MYLK: variants seen among roughly 807,000 people sequenced by gnomAD.
MYLK encodes myosin light chain kinase, smooth muscle.
MYLK carries 106 observed loss-of-function variants against 203.4 expected under a neutral mutation model. That is an observed-to-expected ratio of 0.52 (90% CI 0.45 to 0.61). The LOEUF (loss-of-function observed/expected upper bound fraction) is 0.61, where lower values mean the gene tolerates loss of function less well. Among genes scored for constraint, MYLK ranks in the 20% least tolerant of loss-of-function variants. MYLK has a pLI of 0.00. For synonymous variants in MYLK, 867 were observed against 959.5 expected (o/e 0.90, Z 1.78); for missense variants, 2,072 against 2,442.3 (o/e 0.85, Z 3.20).
At chr3:123,811,743 G>A (rs982751234) in intron 3 of MYLK, among the ~76,000 whole-genome samples, 3 of 152,132 alleles carry the variant, frequency 2.0e-5, no homozygotes, top group Non-Finnish European at 2.9e-5. Context: ...GCTTTGAAAC[G>A]GCAATTCTAG....
At chr3:123,763,587 G>A (rs893463936) in intron 4 of MYLK, among the ~76,000 whole-genome samples, 1 of 152,050 alleles carries the variant, frequency 6.6e-6, no homozygotes, top group African/African-American at 2.4e-5. Context: ...TCAGAACTCT[G>A]AAGATACTGC....
intron 3 of MYLK, among the ~76,000 whole-genome samples, chr3:123,812,164 T>C (rs2065583764): frequency 6.6e-6 from 1 of 152,140 alleles, no homozygotes; most frequent in East Asian, 1.9e-4. Context: ...CTGTTCCCCC[T>C]CATACCTATT....
intron 4 of MYLK, among the ~76,000 whole-genome samples, chr3:123,791,600 C>A (rs2064786308): frequency 6.6e-6 from 1 of 152,200 alleles, no homozygotes; most frequent in Admixed American, 6.5e-5. Flanking sequence ...AGTGTGCTGC[C>A]AAGGCATTGT....
chr3:123,760,670 T>C (rs2063506859), intron 4 of MYLK, among the ~76,000 whole-genome samples: 1 of 152,160 alleles, frequency 6.6e-6, no homozygotes, highest in Admixed American at 6.5e-5. Flanking sequence ...TATCAGAACA[T>C]ATAAACTTAT....
At chr3:123,618,216 C>T (rs76418158) in intron 33 of MYLK, 3,533 of 244,194 alleles carry the variant, frequency 0.014, 115 homozygotes, top group African/African-American at 0.068. Context: ...AGCCTGTGGA[C>T]GAGTAGCAGA....
At chr3:123,735,249 A>G in intron 9 of MYLK, 149 bp downstream of exon 9, 1 of 1,101,720 alleles carries the variant, frequency 9.1e-7, no homozygotes, top group Non-Finnish European at 1.4e-6. Flanking sequence ...TAGGAGAACA[A>G]GACAAAACAC....
intron 5 of MYLK, among the ~76,000 whole-genome samples, chr3:123,747,073 CA>C (rs1437533195): frequency 3.9e-5 from 6 of 152,164 alleles, no homozygotes; most frequent in Non-Finnish European, 8.8e-5. Context: ...GTCATCAATC[CA>C]ACCCAACATG....
At position 123,649,168 on chromosome 3, in the gene MYLK, C is replaced by T. The variant is rs753765468; in HGVS notation, c.4315G>A (p.Asp1439Asn). The change falls in exon 25 of 34, where the codon GAT becomes AAT. Residue 1439 changes from aspartate (D) to asparagine (N), a missense_variant. Asp to Asn is a conservative substitution (Grantham distance 23). Around this residue, in one of 3 missense-constraint regions of MYLK, gnomAD observed 524 missense variants for 782.4 expected, o/e 0.67. Coordinates refer to ENST00000360304, the MANE Select transcript of MYLK (RefSeq NM_053025.4). ...EEPKDEVEVSDDDEKEPEVDY... is the reference protein window; with the variant it reads ...EEPKDEVEVSNDDEKEPEVDY... ...AGACAGGGGCTGCACTCACCATCAT[C>T]TGACACCTCCACTTCATCCTTCGGC... The T allele has an allele frequency of 6.2e-7, 1 of 1,613,278 alleles. No individual in the cohort carries two copies. Among genetic ancestry groups the T allele is most frequent in the South Asian group, 1.1e-5 (1 of 91,046 alleles).
intron 4 of MYLK, among the ~76,000 whole-genome samples, chr3:123,776,038 C>T (rs946916400): frequency 2.6e-5 from 4 of 152,182 alleles, no homozygotes; most frequent in African/African-American, 7.2e-5. Context: ...ACGCCATTAC[C>T]GGTCTCAGCT....
In MYLK at chr3:123,706,184, A is replaced by G. The variant is rs2061454075; in HGVS notation, c.2390+1570T>C. On this transcript the variant is annotated intron_variant, in intron 16 of 33. Transcript: ENST00000360304. ...ATCAGCAGAACTTTATAGGAGACCCAAAGACTCCTAAGAAATAATGAAACT... is the reference window on the plus strand; with the variant it reads ...ATCAGCAGAACTTTATAGGAGACCCGAAGACTCCTAAGAAATAATGAAACT... 2.0e-5 allele frequency among the ~76,000 whole-genome samples: 3 copies of G among 152,250 alleles called. No homozygotes were observed. The South Asian group carries it at 6.2e-4, about 32-fold the overall frequency.
chr3:123,873,050 C>T (rs1332039540), intron 2 of MYLK, among the ~76,000 whole-genome samples: 1 of 152,042 alleles, frequency 6.6e-6, no homozygotes, highest in African/African-American at 2.4e-5. Context: ...CAAAGACATT[C>T]CTCTCACCAC....
chr3:123,778,512 CAAAA>C (rs5852365), intron 4 of MYLK, among the ~76,000 whole-genome samples: 1,114 of 98,122 alleles, frequency 0.011, 21 homozygotes, highest in African/African-American at 0.035. Flanking sequence ...GACTCTGCCT[CAAAA>C]AAAAAAAAAA....
chr3:123,858,288 AAGGAAAAT>A (rs1203165120), intron 2 of MYLK, among the ~76,000 whole-genome samples: 2 of 152,128 alleles, frequency 1.3e-5, no homozygotes, highest in Non-Finnish European at 2.9e-5. Context: ...GTACTAAGGA[AAGGAAAAT>A]AGGACTAGGT....
intron 13 of MYLK, among the ~76,000 whole-genome samples, chr3:123,715,019 G>A (rs843943): frequency 0.98 from 149,546 of 152,264 alleles, 73,485 homozygotes; most frequent in Middle Eastern, 1. Flanking sequence ...GGCAATGTGA[G>A]GAAGAGAGAG....
rs773996829 is a variant in MYLK, at chr3:123,648,971, G to A, written c.4415C>T (p.Ser1472Phe). ...AGAGGCAACTTCCCACTCCACTTAC[G>A]ATCCTAATCTCTCCTCAATGTCGTA... is the stretch of plus-strand genomic sequence containing the variant. ...DFYDIEERLG[S>F]GKFGQVFRLV... Residue 1472 changes from serine (S) to phenylalanine (F), a missense_variant and splice_region_variant, in exon 26 of 34, where the codon TCT becomes TTT. By Grantham distance (155) the Ser-to-Phe change is radical (BLOSUM62 -2). This residue lies in a region of MYLK where 524 missense variants were observed against 782.4 expected (regional missense o/e 0.67). Transcript: ENST00000360304. This position sits in a 1 kb window ranked among gnomAD's most constrained non-coding sequence, Gnocchi z 4.5. 10 of 1,613,788 alleles carry A rather than the reference G, an allele frequency of 6.2e-6. No individual in the cohort carries two copies. The highest frequency in any genetic ancestry group is 1.6e-4 in the Middle Eastern group (1 of 6,062).
chr3:123,857,249 A>G (rs1233793126), intron 2 of MYLK, among the ~76,000 whole-genome samples: 18 of 152,286 alleles, frequency 1.2e-4, no homozygotes, highest in South Asian at 4.2e-4. Flanking sequence ...CGATTCCTCA[A>G]GGATCTAGAA....
At chr3:123,760,742 C>T (rs181896126) in intron 4 of MYLK, among the ~76,000 whole-genome samples, 21 of 152,294 alleles carry the variant, frequency 1.4e-4, no homozygotes. Flanking sequence ...AGGCATCACA[C>T]TCTTAACTAG....
At chr3:123,828,221 G>A (rs9839001) in intron 3 of MYLK, among the ~76,000 whole-genome samples, 1,964 of 152,218 alleles carry the variant, frequency 0.013, 46 homozygotes, top group African/African-American at 0.045. Flanking sequence ...CAAAGCTGTA[G>A]TAACCCAAAC....
Position 123,618,530 on chromosome 3 carries a change from CA to C in MYLK, c.5500+108del, listed in dbSNP as rs1340149385. 3 of 1,496,152 alleles carry C rather than the reference CA, an allele frequency of 2.0e-6. No individual in the cohort carries two copies. In the East Asian group the frequency reaches 6.8e-5, roughly 34 times the overall value. The allele number at this position is 1,496,152 out of a possible 1,614,324, so 92.7% of individuals were successfully genotyped here. On this transcript the variant is annotated intron_variant, in intron 33 of 33. Transcript: ENST00000360304. ...TTTCCCCCAAAGCTTGGCAGTTCCT[CA>C]TTGTCCCCAGCTGCACAGAACTGAC...
Sources: gnomAD v4.1 joint callset for allele counts (sites outside exome capture counted in the v4.1 genomes callset) on GRCh38, gnomAD v4.1.1 for gene constraint, gnomAD v4.1.1 regional missense constraint, Gnocchi (gnomAD v3.1) non-coding constraint, MANE v1.5 for transcripts, NCBI Gene and HGNC (gene_info 2026-07-23, HGNC 2026-07-21) for gene names.